THADA: variants seen among roughly 807,000 people sequenced by gnomAD.
THADA encodes the protein THADA armadillo repeat containing.
THADA carries 213 observed loss-of-function variants against 219.8 expected under a neutral mutation model. That is an observed-to-expected ratio of 0.97 (90% CI 0.87 to 1.09). The LOEUF is 1.09. Ranked by LOEUF, THADA falls within the 50% of genes least tolerant of loss-of-function variation. The pLI is 0.00. For missense variants in THADA, 2,956 were observed against 2,311.3 expected (o/e 1.28, Z -5.72); for synonymous variants, 1,018 against 828.9 (o/e 1.23, Z -3.92).
chr2:43,409,979 T>C (rs1005456909), intron 28 of THADA, among the ~76,000 whole-genome samples: 1 of 149,892 alleles, frequency 6.7e-6, no homozygotes, highest in African/African-American at 2.5e-5. Flanking sequence ...ACTGTGCCAC[T>C]GCACTCCAGC....
At position 43,592,046 on chromosome 2, in the gene THADA, G is replaced by A. The variant is rs1456191401; in HGVS notation, c.77C>T (p.Ser26Phe). Reference sequence around the variant, plus strand: ...ATTTTTCCCTTCCACATCAGCAAAAGCTATATAACATATACAAAAAAAAAT... The same window carrying A: ...ATTTTTCCCTTCCACATCAGCAAAAACTATATAACATATACAAAAAAAAAT... ...ICHQDLETLKSFADVEGKNLA... is the reference protein window; with the variant it reads ...ICHQDLETLKFFADVEGKNLA... The change falls in exon 3 of 38, where the codon TCT (serine) becomes TTT (phenylalanine). Residue 26 changes from serine to phenylalanine, a missense_variant and splice_region_variant. Ser to Phe is a radical substitution (Grantham distance 155). Coordinates refer to ENST00000405975, the MANE Select transcript of THADA (RefSeq NM_022065.5). 2 of 1,548,294 alleles carry A rather than the reference G, an allele frequency of 1.3e-6. No homozygotes were observed. The highest frequency in any genetic ancestry group is 1.7e-6 in the Non-Finnish European group (2 of 1,145,938).
At chr2:43,581,046 TG>T (rs896673287) in intron 8 of THADA, among the ~76,000 whole-genome samples, 12 of 152,176 alleles carry the variant, frequency 7.9e-5, no homozygotes, top group African/African-American at 2.9e-4. Context: ...CCATATAGAA[TG>T]GGAGGTGAAG....
At chr2:43,306,980 A>G (rs1487375461) in intron 31 of THADA, among the ~76,000 whole-genome samples, 1 of 152,210 alleles carries the variant, frequency 6.6e-6, no homozygotes, top group Non-Finnish European at 1.5e-5. Flanking sequence ...TATTATGCCC[A>G]CTTTACAGTT....
chr2:43,406,856 A>G (rs920237726), intron 28 of THADA, among the ~76,000 whole-genome samples: 3 of 152,172 alleles, frequency 2.0e-5, no homozygotes, highest in African/African-American at 7.2e-5. Context: ...TTGGGCTGGG[A>G]TGAGCTGCAT....
intron 16 of THADA, among the ~76,000 whole-genome samples, chr2:43,559,081 G>C (rs1449434888): frequency 2.0e-5 from 3 of 152,132 alleles, no homozygotes; most frequent in South Asian, 2.1e-4. Context: ...GCCAAGAATG[G>C]GGCATCGCTA....
chr2:43,571,100 T>G (rs539642063), intron 13 of THADA, among the ~76,000 whole-genome samples: 2 of 151,904 alleles, frequency 1.3e-5, no homozygotes, highest in Admixed American at 1.3e-4. Flanking sequence ...TAAAAAAAAA[T>G]TAAATATTAG....
intron 26 of THADA, among the ~76,000 whole-genome samples, chr2:43,448,022 G>A (rs1311869528): frequency 1.3e-5 from 2 of 152,010 alleles, no homozygotes; most frequent in East Asian, 3.8e-4. Context: ...TTTTTCCAAG[G>A]CAATTGTTTT....
chr2:43,336,334 C>A (rs959188827), intron 30 of THADA, among the ~76,000 whole-genome samples: 10 of 151,924 alleles, frequency 6.6e-5, no homozygotes, highest in African/African-American at 2.4e-4. Context: ...TGCAGTGGCG[C>A]GATCTCGGCT....
intron 15 of THADA, chr2:43,565,510 G>C (rs937115374): frequency 6.6e-6 from 1 of 151,558 alleles, no homozygotes; most frequent in African/African-American, 2.4e-5. Context: ...CTTTGCTGCT[G>C]ATTTAAATTT....
chr2:43,369,330 A>C (rs1024737505), intron 29 of THADA, among the ~76,000 whole-genome samples: 2 of 152,206 alleles, frequency 1.3e-5, no homozygotes, highest in African/African-American at 4.8e-5. Context: ...ACAAGTGATA[A>C]AATGAAATCC....
At chr2:43,583,890 A>G (rs1160512832) in intron 7 of THADA, among the ~76,000 whole-genome samples, 1 of 152,078 alleles carries the variant, frequency 6.6e-6, no homozygotes. Context: ...CAAAAATATA[A>G]AAAACAGGGC....
intron 36 of THADA, among the ~76,000 whole-genome samples, chr2:43,243,872 C>T (rs1288643125): frequency 6.6e-6 from 1 of 152,164 alleles, no homozygotes. Flanking sequence ...GGTCCAGTTC[C>T]CAAAGAATAC....
chr2:43,448,903 A>AACAAACAAACAAAACCCTGCTAGGCAT (rs1681944144), intron 26 of THADA, among the ~76,000 whole-genome samples: 1 of 152,030 alleles, frequency 6.6e-6, no homozygotes, highest in Admixed American at 6.5e-5. Flanking sequence ...ACAACAACAA[A>AACAAACAAACAAAACCCTGCTAGGCAT]ACAAACAAAC....
rs192090374 is a variant in THADA at position 43,434,675 on chromosome 2, G to T, written c.3837-4373C>A. On this transcript the variant is annotated intron_variant, in intron 26 of 37. Coordinates refer to ENST00000405975, the MANE Select transcript of THADA (RefSeq NM_022065.5). Reference sequence around the variant, plus strand: ...CAGGCCGCCGAGTGGCCCAAATCCAGCGGAAAACCATCTCCCTTCTGGTTC... The same window carrying T: ...CAGGCCGCCGAGTGGCCCAAATCCATCGGAAAACCATCTCCCTTCTGGTTC... 3.5e-4 allele frequency among the ~76,000 whole-genome samples: 54 copies of T among 152,326 alleles called. No homozygotes were observed. The East Asian group carries it at 9.5e-3, about 27-fold the overall frequency.
chr2:43,495,076 T>C (rs1688097951), intron 25 of THADA, among the ~76,000 whole-genome samples: 2 of 152,162 alleles, frequency 1.3e-5, no homozygotes, highest in African/African-American at 4.8e-5. Flanking sequence ...GTTCTGCAAA[T>C]CAAACCGTAT....
chr2:43,315,107 T>G (rs2104448534), intron 31 of THADA, among the ~76,000 whole-genome samples: 1 of 152,368 alleles, frequency 6.6e-6, no homozygotes, highest in South Asian at 2.1e-4. Context: ...GGAGAGGGGA[T>G]GAGCAGATGC....
At chr2:43,531,946 G>A (rs1233678623) in intron 21 of THADA, among the ~76,000 whole-genome samples, 1 of 150,824 alleles carries the variant, frequency 6.6e-6, no homozygotes, top group Non-Finnish European at 1.5e-5. Flanking sequence ...AAACCCAATA[G>A]GCAAACATCA....
At chr2:43,297,214 G>A (rs1675535873) in intron 31 of THADA, among the ~76,000 whole-genome samples, 1 of 105,134 alleles carries the variant, frequency 9.5e-6, no homozygotes, top group African/African-American at 4.7e-5. Context: ...TGTGAGGAGC[G>A]CCTCTGCCCG....
chr2:43,581,564 GAA>G (rs1184602109), intron 8 of THADA, among the ~76,000 whole-genome samples, 175 bp downstream of exon 8: 12 of 117,664 alleles, frequency 1.0e-4, no homozygotes, highest in African/African-American at 3.8e-4. Context: ...AAAAAGAAAA[GAA>G]AAAAAAAAAA....
Sources: allele counts gnomAD v4.1 joint callset (sites outside exome capture counted in the v4.1 genomes callset), GRCh38; gene constraint gnomAD v4.1.1; transcripts MANE v1.5; gene names NCBI Gene and HGNC (gene_info 2026-07-23, HGNC 2026-07-21).